Variants in SLC4A10 observed in about 807,000 individuals in gnomAD.
The protein encoded by SLC4A10 is sodium-driven chloride bicarbonate exchanger.
In SLC4A10, 42 loss-of-function variants were observed where a neutral mutation model predicts 137.7. The observed-to-expected ratio is 0.30, with a 90% CI of 0.24 to 0.39. SLC4A10 has a LOEUF of 0.39. Among genes scored for constraint, SLC4A10 ranks in the 10% least tolerant of loss-of-function variants. SLC4A10 has a pLI of 1.00. For missense variants in SLC4A10, 925 were observed against 1,355.0 expected (o/e 0.68, Z 4.98); for synonymous variants, 474 against 464.1 (o/e 1.02, Z -0.27).
intron 1 of SLC4A10, among the ~76,000 whole-genome samples, chr2:161,763,231 T>C (rs949834651): frequency 9.9e-5 from 15 of 152,100 alleles, no homozygotes; most frequent in Non-Finnish European, 2.1e-4. Context: ...TTTTGAAAGA[T>C]GTTTCTTACT....
chr2:161,833,176 G>T (rs893934440), intron 3 of SLC4A10, among the ~76,000 whole-genome samples: 9 of 152,218 alleles, frequency 5.9e-5, no homozygotes, highest in Non-Finnish European at 4.4e-5. Context: ...AAATGAGTGA[G>T]GTGGGTCATG....
At chr2:161,963,881 G>A (rs933533492) in intron 21 of SLC4A10, among the ~76,000 whole-genome samples, 1 of 152,096 alleles carries the variant, frequency 6.6e-6, no homozygotes, top group African/African-American at 2.4e-5. Flanking sequence ...TTTAACATTG[G>A]CTTTCTATTT....
At chr2:161,966,943 A>G (rs1697713858) in intron 23 of SLC4A10, among the ~76,000 whole-genome samples, 1 of 152,224 alleles carries the variant, frequency 6.6e-6, no homozygotes. Context: ...AAATAAAATT[A>G]TTGAGATCAA....
chr2:161,669,154 CAATT>C (rs1344114323), intron 1 of SLC4A10, among the ~76,000 whole-genome samples: 1 of 151,782 alleles, frequency 6.6e-6, no homozygotes, highest in Non-Finnish European at 1.5e-5. Context: ...TCAGATGAAA[CAATT>C]TATTTTTAGC....
intron 6 of SLC4A10, among the ~76,000 whole-genome samples, chr2:161,866,334 C>A (rs2060746957): frequency 6.6e-6 from 1 of 151,930 alleles, no homozygotes; most frequent in Admixed American, 6.6e-5. Flanking sequence ...ATTCTTTGTC[C>A]ATTCCTTTTT....
Position 161,624,440 on chromosome 2 carries a change from G to A in SLC4A10, c.-79G>A. On this transcript the variant is annotated 5_prime_UTR_variant, in exon 1 of 27. Transcript: ENST00000446997. ...CAGAGCTACCTGATCCGAATACTAA[G>A]CAGAGCGAGTGCCGGGCTGAGTGTA... 1.3e-6 allele frequency: 2 copies of A among 1,548,382 alleles called. No homozygotes were observed. The highest frequency in any genetic ancestry group is 1.2e-5 in the South Asian group (1 of 83,876).
chr2:161,721,108 C>T (rs747389532), intron 1 of SLC4A10, among the ~76,000 whole-genome samples: 6 of 152,202 alleles, frequency 3.9e-5, no homozygotes, highest in South Asian at 2.1e-4. Flanking sequence ...GGATTACAGG[C>T]ATGAGCCAGG....
At chr2:161,772,627 A>G (rs1196338980) in intron 2 of SLC4A10, among the ~76,000 whole-genome samples, 2 of 151,890 alleles carry the variant, frequency 1.3e-5, no homozygotes, top group African/African-American at 2.4e-5. Flanking sequence ...CTATTTACTG[A>G]TTTCAATTAT....
chr2:161,774,691 C>CT (rs1463779304), intron 2 of SLC4A10, among the ~76,000 whole-genome samples: 2 of 151,886 alleles, frequency 1.3e-5, no homozygotes, highest in African/African-American at 4.8e-5. Context: ...TATGAGACAA[C>CT]TGTGAAGGGC....
At chr2:161,629,767 T>A (rs1337481848) in intron 1 of SLC4A10, among the ~76,000 whole-genome samples, 2 of 151,872 alleles carry the variant, frequency 1.3e-5, no homozygotes, top group Non-Finnish European at 2.9e-5. Flanking sequence ...TAGTTTTGCA[T>A]TTTTTAGAGT....
chr2:161,930,814 A>C (rs1013067350), intron 15 of SLC4A10, among the ~76,000 whole-genome samples: 2 of 152,190 alleles, frequency 1.3e-5, no homozygotes, highest in African/African-American at 4.8e-5. Context: ...GAAAGGAGGG[A>C]AATCACTGAA....
chr2:161,859,481 G>A (rs1357933604), intron 5 of SLC4A10, among the ~76,000 whole-genome samples: 20 of 151,110 alleles, frequency 1.3e-4, no homozygotes, highest in African/African-American at 4.8e-4. Flanking sequence ...TAGTAGAGAC[G>A]GGGATTCACC....
At chr2:161,751,601 T>C (rs1377543140) in intron 1 of SLC4A10, among the ~76,000 whole-genome samples, 1 of 151,848 alleles carries the variant, frequency 6.6e-6, no homozygotes, top group Admixed American at 6.6e-5. Flanking sequence ...AGATATTTAT[T>C]GAGTATATTT....
chr2:161,804,190 A>T (rs1309183164), intron 2 of SLC4A10, among the ~76,000 whole-genome samples: 1 of 152,168 alleles, frequency 6.6e-6, no homozygotes, highest in East Asian at 1.9e-4. Flanking sequence ...GAACAGACAC[A>T]TAGAGATTAT....
At chr2:161,742,783 T>A (rs1411314349) in intron 1 of SLC4A10, among the ~76,000 whole-genome samples, 2 of 152,150 alleles carry the variant, frequency 1.3e-5, no homozygotes, top group Non-Finnish European at 2.9e-5. Context: ...TGTTATTGCC[T>A]GTATTTTGGA....
At chr2:161,773,620 T>A (rs6713937) in intron 2 of SLC4A10, among the ~76,000 whole-genome samples, 1 of 151,702 alleles carries the variant, frequency 6.6e-6, no homozygotes, top group Non-Finnish European at 1.5e-5. Flanking sequence ...AATGTAACAT[T>A]CTGAGTACAG....
chr2:161,942,224 C>A (rs1241911144), intron 15 of SLC4A10, among the ~76,000 whole-genome samples: 4 of 152,124 alleles, frequency 2.6e-5, no homozygotes, highest in Admixed American at 2.6e-4. Flanking sequence ...TGAAATTCTT[C>A]TCTATGAAAA....
At chr2:161,830,087 T>A (rs2058330897) in intron 3 of SLC4A10, among the ~76,000 whole-genome samples, 1 of 150,558 alleles carries the variant, frequency 6.6e-6, no homozygotes, top group Non-Finnish European at 1.5e-5. Context: ...AATATACATT[T>A]AAAAATTGAC....
intron 8 of SLC4A10, among the ~76,000 whole-genome samples, chr2:161,877,319 A>C (rs964816437): frequency 2.6e-5 from 4 of 152,032 alleles, no homozygotes; most frequent in Non-Finnish European, 4.4e-5. Context: ...ATGTTTTCTC[A>C]TTTTAAATTT....
Sources: gnomAD v4.1 joint callset for allele counts (sites outside exome capture counted in the v4.1 genomes callset) on GRCh38, gnomAD v4.1.1 for gene constraint, MANE v1.5 for transcripts, NCBI Gene and HGNC (gene_info 2026-07-23, HGNC 2026-07-21) for gene names.